ATP8A1: variants seen among roughly 807,000 people sequenced by gnomAD.
ATP8A1 encodes ATPase phospholipid transporting 8A1.
A neutral mutation model predicts 177.7 loss-of-function variants in ATP8A1; 90 were observed. The observed-to-expected ratio is 0.51, with a 90% CI of 0.43 to 0.60. ATP8A1 has a LOEUF of 0.60. Ranked by LOEUF, ATP8A1 falls within the 20% of genes least tolerant of loss-of-function variation. The pLI, the probability that ATP8A1 is intolerant of heterozygous loss-of-function variation, is 0.00. For missense variants in ATP8A1, 1,072 were observed against 1,392.8 expected, an observed-to-expected ratio of 0.77 and a Z score of 3.67; for synonymous variants, 493 against 485.9, an observed-to-expected ratio of 1.01 and a Z score of -0.19.
At chr4:42,540,876 T>C (rs762536529) in intron 20 of ATP8A1, among the ~76,000 whole-genome samples, 6 of 152,184 alleles carry the variant, frequency 3.9e-5, no homozygotes, top group Admixed American at 3.9e-4. Context: ...CAATGTTTGA[T>C]AGCCCGAGTA....
chr4:42,418,399 A>G (rs1381023535), intron 35 of ATP8A1, among the ~76,000 whole-genome samples: 1 of 152,196 alleles, frequency 6.6e-6, no homozygotes. Flanking sequence ...TACTCCAATG[A>G]TATCCAAAAA....
At chr4:42,584,228 G>A (rs1049616697) in intron 9 of ATP8A1, among the ~76,000 whole-genome samples, 5 of 152,026 alleles carry the variant, frequency 3.3e-5, no homozygotes, top group Admixed American at 3.3e-4. Flanking sequence ...TGGGAGATAA[G>A]GTATACCATA....
At chr4:42,438,102 G>A (rs1300972623) in intron 33 of ATP8A1, among the ~76,000 whole-genome samples, 1 of 152,174 alleles carries the variant, frequency 6.6e-6, no homozygotes, top group Non-Finnish European at 1.5e-5. Context: ...AAGCCACAGG[G>A]AAGGGGAAAG....
chr4:42,563,725 G>A (rs1203881153), intron 15 of ATP8A1, among the ~76,000 whole-genome samples: 3 of 152,200 alleles, frequency 2.0e-5, no homozygotes, highest in African/African-American at 4.8e-5. Context: ...AAAGAGGCTA[G>A]TGCTTCAGAG....
chr4:42,562,186 T>G (rs1258662563), intron 15 of ATP8A1: 1 of 152,268 alleles, frequency 6.6e-6, no homozygotes, highest in Non-Finnish European at 1.5e-5. Flanking sequence ...ACATGCTCTG[T>G]GGAATGCTTC....
In ATP8A1 at chr4:42,475,305, A is replaced by G. The variant is rs1720923471; in HGVS notation, c.2324+10191T>C. On this transcript the variant is annotated intron_variant, in intron 25 of 36. Transcript: ENST00000381668. ...CTCAGGACCATAGGTGTATGCCACC[A>G]CACCTGGCTAATTTGTAATTTTTTT... Among the ~76,000 whole-genome samples, 3 of 152,122 alleles carry G rather than the reference A, an allele frequency of 2.0e-5. No homozygotes were observed. The South Asian group carries it at 6.2e-4, about 32-fold the overall frequency.
chr4:42,543,846 A>G, intron 20 of ATP8A1, 71 bp downstream of exon 20: 1 of 1,135,060 alleles, frequency 8.8e-7, no homozygotes, highest in South Asian at 1.5e-5. Context: ...TTACATTTCC[A>G]TAGAATGCCT....
chr4:42,544,157 T>C (rs1465121957), intron 19 of ATP8A1, among the ~76,000 whole-genome samples, 171 bp from the exon 20 acceptor site: 1 of 152,140 alleles, frequency 6.6e-6, no homozygotes, highest in African/African-American at 2.4e-5. Context: ...GCTGGGCACC[T>C]GTAAAAGTTA....
chr4:42,464,974 T>TATCA lies in ATP8A1; in HGVS notation c.2423_2426dup (p.Gln810AspfsTer14). 1 of 1,614,214 alleles carries TATCA rather than the reference T, an allele frequency of 6.2e-7. No homozygotes were observed. On this transcript the variant is annotated frameshift_variant, in exon 26 of 37. Transcript: ENST00000381668. LOFTEE classifies it high-confidence loss of function. ...TACCAACACCAACGTGCGCTGTCTG[T>TATCA]ATCATGCTGACATCATTTGCTCCAT...
intron 5 of ATP8A1, among the ~76,000 whole-genome samples, chr4:42,603,846 T>C (rs1177303585): frequency 6.6e-6 from 1 of 152,240 alleles, no homozygotes; most frequent in Non-Finnish European, 1.5e-5. Flanking sequence ...CTATAAGGAT[T>C]ATCTATGATG....
chr4:42,417,358 T>C (rs1021063248), intron 35 of ATP8A1, among the ~76,000 whole-genome samples: 8 of 151,538 alleles, frequency 5.3e-5, no homozygotes, highest in East Asian at 1.9e-4. Flanking sequence ...ACACTAAAGA[T>C]ACCTTCTCAC....
chr4:42,582,946 C>T (rs1215579788), intron 9 of ATP8A1, among the ~76,000 whole-genome samples: 1 of 151,930 alleles, frequency 6.6e-6, no homozygotes, highest in African/African-American at 2.4e-5. Context: ...ATTACTACTA[C>T]CAAGTCTTCA....
intron 8 of ATP8A1, 116 bp from the exon 9 acceptor site, chr4:42,586,592 A>C (rs1733638902): frequency 4.0e-6 from 4 of 1,007,402 alleles, no homozygotes; most frequent in Non-Finnish European, 4.3e-6. Flanking sequence ...TTATTTTTAT[A>C]AGCAATTCTC....
intron 22 of ATP8A1, 137 bp downstream of exon 22, chr4:42,522,023 C>A (rs762125111): frequency 6.5e-5 from 62 of 951,346 alleles, no homozygotes; most frequent in Non-Finnish European, 9.1e-5. Context: ...CTTGTTAATG[C>A]TTAGATGATG....
chr4:42,501,174 T>C (rs1723815600), intron 24 of ATP8A1, among the ~76,000 whole-genome samples: 1 of 152,188 alleles, frequency 6.6e-6, no homozygotes, highest in African/African-American at 2.4e-5. Context: ...ACTTGCCACC[T>C]TAGGGAAAAA....
At chr4:42,517,370 G>C (rs1018278063) in intron 22 of ATP8A1, among the ~76,000 whole-genome samples, 7 of 151,122 alleles carry the variant, frequency 4.6e-5, no homozygotes, top group African/African-American at 1.7e-4. Context: ...CTAAAATTAT[G>C]AGTCCTAATA....
chr4:42,573,559 T>C (rs1272242976), intron 14 of ATP8A1, among the ~76,000 whole-genome samples: 2 of 152,208 alleles, frequency 1.3e-5, no homozygotes, highest in East Asian at 1.9e-4. Flanking sequence ...CAACAGGCTG[T>C]CTTTACAGTG....
intron 25 of ATP8A1, among the ~76,000 whole-genome samples, chr4:42,478,396 T>C (rs1466426197): frequency 6.6e-6 from 1 of 152,154 alleles, no homozygotes. Flanking sequence ...AGTGTCATTA[T>C]AAACACAAAG....
intron 1 of ATP8A1, among the ~76,000 whole-genome samples, chr4:42,629,078 C>G (rs111424264): frequency 6.6e-6 from 1 of 152,120 alleles, no homozygotes. Context: ...CTGCATCTCC[C>G]CCTCAGATAT....
Sources: gnomAD v4.1 joint callset for allele counts (sites outside exome capture counted in the v4.1 genomes callset) on GRCh38, gnomAD v4.1.1 for gene constraint, MANE v1.5 for transcripts, NCBI Gene and HGNC (gene_info 2026-07-23, HGNC 2026-07-21) for gene names.